Variants in ARIH1 observed in about 807,000 individuals in gnomAD.
ARIH1 encodes the protein ariadne RBR E3 ubiquitin protein ligase 1, also known as E3 ubiquitin-protein ligase ARIH1.
ARIH1 carries 8 observed loss-of-function variants against 85.0 expected under a neutral mutation model. The ratio of observed to expected loss-of-function variants is 0.09; its 90% CI spans 0.06 to 0.17. The LOEUF is 0.17. ARIH1 is among the 10% of genes least tolerant of loss of function. The probability of loss-of-function intolerance (pLI) is 1.00; values close to 1 mark genes in which losing one functional copy is unlikely to be tolerated. For synonymous variants in ARIH1, 238 were observed against 253.6 expected, an observed-to-expected ratio of 0.94 and a Z score of 0.59; for missense variants, 311 against 718.1, an observed-to-expected ratio of 0.43 and a Z score of 6.48.
intron 1 of ARIH1, among the ~76,000 whole-genome samples, chr15:72,495,653 T>C (rs999953749): frequency 6.6e-5 from 10 of 152,174 alleles, no homozygotes; most frequent in African/African-American, 2.4e-4. Context: ...GCATGCAAAA[T>C]AAAACAATTG....
In ARIH1 at chr15:72,584,130, G is replaced by A. The variant is rs988597748; in HGVS notation, c.*838G>A. ...TCTAGAGCTCTTTCACTTTCCTGAG[G>A]TTATTTTGCCCTTTCTGGTGTTGGT... On this transcript the variant is annotated 3_prime_UTR_variant, in exon 14 of 14. Transcript: ENST00000379887. 19 of 152,150 alleles carry A rather than the reference G, an allele frequency of 1.2e-4. No individual in the cohort carries two copies. Among genetic ancestry groups the A allele is most frequent in the African/African-American group, 4.1e-4 (17 of 41,422 alleles). 9.4% of individuals were successfully genotyped at this position (152,150 alleles called of 1,614,324 possible).
intron 1 of ARIH1, among the ~76,000 whole-genome samples, chr15:72,495,037 A>G (rs1425501433): frequency 6.6e-6 from 1 of 152,188 alleles, no homozygotes; most frequent in Non-Finnish European, 1.5e-5. Flanking sequence ...GTTGCTCTCC[A>G]TTCCCTCAGT....
Position 72,474,369 on chromosome 15 carries a change from T to C in ARIH1, c.-271T>C, listed in dbSNP as rs925906341. 7 of 457,730 alleles carry C rather than the reference T, an allele frequency of 1.5e-5. No individual in the cohort carries two copies. Among genetic ancestry groups the C allele is most frequent in the Admixed American group, 9.2e-5 (2 of 21,636 alleles). 28.4% of individuals were successfully genotyped at this position (457,730 alleles called of 1,614,324 possible). The stretch of plus-strand genomic sequence containing the variant: ...CGGCCGTGGAGGTGGCGTTGGGGAC[T>C]GTTTTCTCTCGGAGGCCGGAGCGGA... On this transcript the variant is annotated 5_prime_UTR_variant, in exon 1 of 14. Coordinates refer to ENST00000379887, the MANE Select transcript of ARIH1 (RefSeq NM_005744.5).
At chr15:72,516,521 A>G (rs1814073910) in intron 1 of ARIH1, among the ~76,000 whole-genome samples, 1 of 152,222 alleles carries the variant, frequency 6.6e-6, no homozygotes, top group African/African-American at 2.4e-5. Context: ...ACTTAGGATC[A>G]GTTAAAATAT....
At chr15:72,486,665 CTT>C (rs58018323) in intron 1 of ARIH1, among the ~76,000 whole-genome samples, 1 of 88,456 alleles carries the variant, frequency 1.1e-5, no homozygotes, top group Non-Finnish European at 2.5e-5. Context: ...CAGAGCCCTA[CTT>C]TTTTTTTTTT....
chr15:72,572,071 T>A, intron 10 of ARIH1, 37 bp from the exon 11 acceptor site: 1 of 1,448,362 alleles, frequency 6.9e-7, no homozygotes, highest in Non-Finnish European at 9.5e-7. Context: ...TCATTGATTT[T>A]TTTTTTCTTT....
At chr15:72,506,377 A>G (rs1366905968) in intron 1 of ARIH1, among the ~76,000 whole-genome samples, 8 of 150,336 alleles carry the variant, frequency 5.3e-5, no homozygotes, top group Admixed American at 5.3e-4. Flanking sequence ...AAAAAAAAAA[A>G]GAACTTAGTC....
intron 1 of ARIH1, among the ~76,000 whole-genome samples, chr15:72,511,448 C>T (rs1334926490): frequency 3.2e-4 from 48 of 152,164 alleles, no homozygotes; most frequent in Non-Finnish European, 5.9e-5. Flanking sequence ...AGATTACAGG[C>T]GTCTGCCACC....
rs780537004 is a variant in ARIH1 at position 72,595,741 on chromosome 15, C to T, written c.*12449C>T. ...CAAGTGATCTTCCTGCCTTGCACTC[C>T]CGAAGTGTTGGCATTACAGGCATGA... On this transcript the variant is annotated 3_prime_UTR_variant, in exon 14 of 14. Coordinates refer to ENST00000379887, the MANE Select transcript of ARIH1 (RefSeq NM_005744.5). The T allele has an allele frequency of 1.1e-4, 16 of 151,840 alleles. No homozygotes were observed. Among genetic ancestry groups the T allele is most frequent in the Non-Finnish European group, 1.8e-4 (12 of 68,014 alleles). 9.4% of individuals were successfully genotyped at this position (151,840 alleles called of 1,614,324 possible).
intron 1 of ARIH1, among the ~76,000 whole-genome samples, chr15:72,481,570 A>G (rs893262070): frequency 2.0e-5 from 3 of 152,096 alleles, no homozygotes; most frequent in Non-Finnish European, 4.4e-5. Flanking sequence ...CTGTAATCCC[A>G]GCTACTTGGG....
At position 72,587,055 on chromosome 15, in the gene ARIH1, T is replaced by A; in HGVS notation, c.*3763T>A. 2.6e-6 allele frequency: 1 copy of A among 387,270 alleles called. No individual in the cohort carries two copies. The highest frequency in any genetic ancestry group is 5.0e-6 in the Non-Finnish European group (1 of 199,334). The allele number at this position is 387,270 out of a possible 1,614,324, so 24.0% of individuals were successfully genotyped here. ...TTTAGGACAATTTAATTTACTCTTA[T>A]TTGGATCTGTAATTATGGGAGTTTA... On this transcript the variant is annotated 3_prime_UTR_variant, in exon 14 of 14. Transcript: ENST00000379887.
intron 1 of ARIH1, among the ~76,000 whole-genome samples, chr15:72,509,913 T>C (rs950972854): frequency 6.6e-6 from 1 of 151,852 alleles, no homozygotes; most frequent in Non-Finnish European, 1.5e-5. Context: ...TTTTTTTTTT[T>C]TCCCCAAAGA....
At chr15:72,495,298 C>T (rs572374306) in intron 1 of ARIH1, among the ~76,000 whole-genome samples, 1 of 152,256 alleles carries the variant, frequency 6.6e-6, no homozygotes, top group African/African-American at 2.4e-5. Flanking sequence ...ATGGTTGACA[C>T]AACTGTCACA....
chr15:72,548,010 GGAGAAACC>G (rs2064137203), intron 3 of ARIH1, among the ~76,000 whole-genome samples: 1 of 152,134 alleles, frequency 6.6e-6, no homozygotes, highest in Non-Finnish European at 1.5e-5. Context: ...AACTGATGAT[GGAGAAACC>G]TATTCATTGA....
At chr15:72,509,859 G>A (rs2063942240) in intron 1 of ARIH1, among the ~76,000 whole-genome samples, 2 of 151,562 alleles carry the variant, frequency 1.3e-5, no homozygotes, top group South Asian at 2.1e-4. Context: ...CAAAGTGTTG[G>A]GATTACAGGT....
At chr15:72,542,509 TATATGTGGCACATTTA>T (rs1451719228) in intron 2 of ARIH1, among the ~76,000 whole-genome samples, 1 of 152,234 alleles carries the variant, frequency 6.6e-6, no homozygotes, top group Non-Finnish European at 1.5e-5. Context: ...TAGGATTATT[TATATGTGGCACATTTA>T]AATGTCCTTC....
rs547198066 is a variant in ARIH1, at chr15:72,571,402, T to G, written c.1158-706T>G. ...CATTAGCCAAGTGCATGGTATATAGTAAGCACTCATGAAATAGCTGCTCCC... is the reference window on the plus strand; with the variant it reads ...CATTAGCCAAGTGCATGGTATATAGGAAGCACTCATGAAATAGCTGCTCCC... On this transcript the variant is annotated intron_variant, in intron 10 of 13. Transcript: ENST00000379887. Among the ~76,000 whole-genome samples, 273 of 152,204 alleles carry G rather than the reference T, an allele frequency of 1.8e-3. 1 individual carries two copies. The highest frequency in any genetic ancestry group is 3.5e-3 in the Non-Finnish European group (235 of 68,038).
rs547818805 is a variant in ARIH1, at chr15:72,589,354, A to C, written c.*6062A>C. 5 of 152,240 alleles carry C rather than the reference A, an allele frequency of 3.3e-5. No homozygotes were observed. The highest frequency in any genetic ancestry group is 5.9e-5 in the Non-Finnish European group (4 of 68,050). The allele number at this position is 152,240 out of a possible 1,614,324, so 9.4% of individuals were successfully genotyped here. Reference sequence around the variant, plus strand: ...CATGTGAAAACAAAACCTAGTTACAATAATAAGCACACCAGTGCTAACTTG... The same window carrying C: ...CATGTGAAAACAAAACCTAGTTACACTAATAAGCACACCAGTGCTAACTTG... On this transcript the variant is annotated 3_prime_UTR_variant, in exon 14 of 14. Transcript: ENST00000379887.
In ARIH1 at chr15:72,600,298, G is replaced by A. The variant is rs1289773717; in HGVS notation, c.*17006G>A. On this transcript the variant is annotated 3_prime_UTR_variant, in exon 14 of 14. Coordinates refer to ENST00000379887, the MANE Select transcript of ARIH1 (RefSeq NM_005744.5). ...AATCTTGATAAGCAGGGTCACATTT[G>A]AGGAGATTTGCTAAGGGAAATGAAG... 1 of 152,166 alleles carries A rather than the reference G, an allele frequency of 6.6e-6. No individual in the cohort carries two copies. Among genetic ancestry groups the A allele is most frequent in the Non-Finnish European group, 1.5e-5 (1 of 68,040 alleles). The allele number at this position is 152,166 out of a possible 1,614,324, so 9.4% of individuals were successfully genotyped here. A position where few individuals can be genotyped will look rare whatever the true frequency, so the allele number is the denominator to read the frequency against.
Sources: allele counts gnomAD v4.1 joint callset (sites outside exome capture counted in the v4.1 genomes callset), GRCh38; gene constraint gnomAD v4.1.1; transcripts MANE v1.5; gene names NCBI Gene and HGNC (gene_info 2026-07-23, HGNC 2026-07-21).